RTN4: variants seen among roughly 807,000 people sequenced by gnomAD.
RTN4 encodes the protein reticulon-4.
RTN4 carries 32 observed loss-of-function variants against 90.4 expected under a neutral mutation model. That is an observed-to-expected ratio of 0.35 (90% CI 0.27 to 0.48). RTN4 has a LOEUF of 0.48. Among genes scored for constraint, RTN4 ranks in the 20% least tolerant of loss-of-function variants. RTN4 has a pLI of 0.99. For synonymous variants in RTN4, 629 were observed against 552.5 expected, an observed-to-expected ratio of 1.14 and a Z score of -1.94; for missense variants, 1,706 against 1,430.2, an observed-to-expected ratio of 1.19 and a Z score of -3.11.
chr2:54,978,552 T>C (rs1677858005), intron 5 of RTN4, among the ~76,000 whole-genome samples: 1 of 151,976 alleles, frequency 6.6e-6, no homozygotes, highest in African/African-American at 2.4e-5. Context: ...GTTATAGAGA[T>C]ACTTCTTTCA....
intron 1 of RTN4, among the ~76,000 whole-genome samples, chr2:55,106,409 C>CTTTG (rs1469127802): frequency 6.6e-6 from 1 of 152,094 alleles, no homozygotes; most frequent in Non-Finnish European, 1.5e-5. Flanking sequence ...AGTTTGTTAT[C>CTTTG]TTTGTGTCTC....
At chr2:55,135,815 C>G in the RTN4 span, among the ~76,000 whole-genome samples, 4 of 152,100 alleles carry the variant, frequency 2.6e-5, no homozygotes, top group Non-Finnish European at 5.9e-5. Flanking sequence ...TAAAATTATA[C>G]AGTAATATAT....
At chr2:55,120,758 G>C in the RTN4 span, among the ~76,000 whole-genome samples, 1 of 152,080 alleles carries the variant, frequency 6.6e-6, no homozygotes. Context: ...GCAGGGCTCG[G>C]GCGGGCTGTG....
upstream of RTN4, among the ~76,000 whole-genome samples, chr2:55,113,009 GCAACTGGGAGCTCAGTGGATGGT>G (rs1349848406): frequency 6.6e-6 from 1 of 152,216 alleles, no homozygotes; most frequent in Non-Finnish European, 1.5e-5. Flanking sequence ...ATCAACGTGA[GCAACTGGGAGCTCAGTGGATGGT>G]CCATAGATAG....
At chr2:55,042,863 ACTGT>A in intron 1 of RTN4, among the ~76,000 whole-genome samples, 1 of 152,306 alleles carries the variant, frequency 6.6e-6, no homozygotes, top group Non-Finnish European at 1.5e-5. Flanking sequence ...CAAGGAGTAC[ACTGT>A]CTGGTGGAGG....
At chr2:54,998,998 C>G (rs1679659994) in intron 3 of RTN4, among the ~76,000 whole-genome samples, 1 of 152,136 alleles carries the variant, frequency 6.6e-6, no homozygotes, top group South Asian at 2.1e-4. Flanking sequence ...ATTAAACATC[C>G]TTTCAAAGAT....
intron 3 of RTN4, among the ~76,000 whole-genome samples, chr2:55,017,035 A>G (rs1178057076): frequency 2.0e-5 from 3 of 152,200 alleles, no homozygotes; most frequent in East Asian, 1.9e-4. Flanking sequence ...CTAATTTAAC[A>G]ATGTCACTTT....
At chr2:55,021,083 T>A (rs1681393910) in intron 3 of RTN4, among the ~76,000 whole-genome samples, 1 of 152,204 alleles carries the variant, frequency 6.6e-6, no homozygotes, top group Non-Finnish European at 1.5e-5. Context: ...TTTAAATGCA[T>A]ATACATTAAT....
At chr2:55,008,250 A>G (rs910664217) in intron 3 of RTN4, among the ~76,000 whole-genome samples, 2 of 151,776 alleles carry the variant, frequency 1.3e-5, no homozygotes, top group South Asian at 2.1e-4. Context: ...TCAGGGGGAG[A>G]ATGCAGTAGA....
At chr2:54,995,471 T>C (rs569586926) in intron 3 of RTN4, among the ~76,000 whole-genome samples, 1 of 152,276 alleles carries the variant, frequency 6.6e-6, no homozygotes, top group East Asian at 1.9e-4. Flanking sequence ...ACAACAAATA[T>C]GGAGGGATCT....
At position 55,079,542 on chromosome 2, in the gene RTN4, G is replaced by A. The variant is rs1379597976; in HGVS notation, c.-63+947C>T. ...TATGGTCAGCAAGAATACTGGTGCTGTTCCCAAATCTTCTGATCTTTCAAT... is the reference window on the plus strand; with the variant it reads ...TATGGTCAGCAAGAATACTGGTGCTATTCCCAAATCTTCTGATCTTTCAAT... On this transcript the variant is annotated intron_variant, in intron 2 of 3. Transcript: ENST00000427710. Among the ~76,000 whole-genome samples the A allele has an allele frequency of 2.0e-5, 3 of 152,304 alleles. No individual in the cohort carries two copies. The South Asian group carries it at 6.2e-4, about 32-fold the overall frequency.
chr2:54,998,166 A>G (rs1003543614), intron 3 of RTN4, among the ~76,000 whole-genome samples: 1 of 149,942 alleles, frequency 6.7e-6, no homozygotes, highest in African/African-American at 2.4e-5. Context: ...CAGAAAGTAG[A>G]TAAGTGATTG....
At chr2:55,017,891 A>G (rs1681158109) in intron 3 of RTN4, among the ~76,000 whole-genome samples, 1 of 152,228 alleles carries the variant, frequency 6.6e-6, no homozygotes, top group Admixed American at 6.5e-5. Flanking sequence ...TGATAAAAGC[A>G]GTAGCACCTT....
chr2:55,076,556 C>T (rs1381986913), intron 2 of RTN4, among the ~76,000 whole-genome samples: 7 of 151,970 alleles, frequency 4.6e-5, no homozygotes, highest in African/African-American at 1.2e-4. Context: ...TGCATAACCA[C>T]GCTGAGCTAA....
At chr2:55,104,244 A>G (rs1667903329) in intron 1 of RTN4, among the ~76,000 whole-genome samples, 1 of 150,536 alleles carries the variant, frequency 6.6e-6, no homozygotes, top group Non-Finnish European at 1.5e-5. Flanking sequence ...TTAAGTAGAG[A>G]CAGGGTTTCA....
rs185124382 is a variant in RTN4, at chr2:55,042,078, T to C, written c.556+7667A>G. Among the ~76,000 whole-genome samples the C allele has an allele frequency of 5.9e-5, 9 of 152,176 alleles. No homozygotes were observed. The East Asian group carries it at 1.5e-3, about 26-fold the overall frequency. On this transcript the variant is annotated intron_variant, in intron 1 of 8. Transcript: ENST00000337526. ...AGAAAAAATTTGACACCTAAGCCTA[T>C]GAAAAATGACTCAAATTTAAAAGAA...
At chr2:55,062,836 A>C (rs1227372353) in intron 2 of RTN4, among the ~76,000 whole-genome samples, 1 of 152,260 alleles carries the variant, frequency 6.6e-6, no homozygotes. Flanking sequence ...TGCCTGATTC[A>C]ATAATTTCAC....
chr2:55,135,435 G>A, the RTN4 span, among the ~76,000 whole-genome samples: 1 of 152,074 alleles, frequency 6.6e-6, no homozygotes, highest in Non-Finnish European at 1.5e-5. Flanking sequence ...TCAAACTCCT[G>A]GTCTCAAGTG....
At chr2:54,988,291 T>G (rs991928311) in intron 3 of RTN4, among the ~76,000 whole-genome samples, 1 of 152,226 alleles carries the variant, frequency 6.6e-6, no homozygotes, top group Non-Finnish European at 1.5e-5. Context: ...CACTCCAGAA[T>G]GGGCGACAGA....
Sources: gnomAD v4.1 joint callset for allele counts (sites outside exome capture counted in the v4.1 genomes callset) on GRCh38, gnomAD v4.1.1 for gene constraint, MANE v1.5 for transcripts, NCBI Gene and HGNC (gene_info 2026-07-23, HGNC 2026-07-21) for gene names.